The following LRP1B variants were observed in gnomAD, a reference collection of about 807,000 sequenced individuals.
LRP1B encodes low-density lipoprotein receptor-related protein 1B.
Under a neutral mutation model 556.6 loss-of-function variants are expected in LRP1B, and 217 were observed. The observed-to-expected ratio is 0.39, with a 90% confidence interval of 0.35 to 0.44. LRP1B has a LOEUF of 0.44. Ranked by LOEUF, LRP1B falls within the 20% of genes least tolerant of loss-of-function variation. LRP1B has a pLI of 1.00. For synonymous variants in LRP1B, 2,047 were observed against 1,865.8 expected (o/e 1.10, Z -2.50); for missense variants, 5,053 against 5,620.8 (o/e 0.90, Z 3.23).
chr2:140,240,884 T>A (rs1246990398), intron 87 of LRP1B, among the ~76,000 whole-genome samples: 2 of 151,040 alleles, frequency 1.3e-5, no homozygotes, highest in African/African-American at 4.8e-5. Flanking sequence ...AACTGTATTA[T>A]AAATATATAG....
In LRP1B at chr2:141,002,440, G is replaced by A. The variant is rs185891178; in HGVS notation, c.2503+2895C>T. Among the ~76,000 whole-genome samples the A allele has an allele frequency of 1.2e-3, 176 of 152,100 alleles. 2 individuals are homozygous for A. Among genetic ancestry groups the A allele is most frequent in the Middle Eastern group, 6.8e-3 (2 of 294 alleles). On this transcript the variant is annotated intron_variant, in intron 15 of 90. Coordinates refer to ENST00000389484, the MANE Select transcript of LRP1B (RefSeq NM_018557.3). Reference sequence around the variant, plus strand: ...CAGTCATCCCTCGATATCCAGGGGGGATTGATTCCAGGATCCCTTATAAAT... The same window carrying A: ...CAGTCATCCCTCGATATCCAGGGGGAATTGATTCCAGGATCCCTTATAAAT...
intron 2 of LRP1B, among the ~76,000 whole-genome samples, chr2:141,775,669 C>T (rs902672606): frequency 6.6e-6 from 1 of 152,054 alleles, no homozygotes; most frequent in Non-Finnish European, 1.5e-5. Flanking sequence ...TAAAGATAGA[C>T]AGGATGTGTT....
At chr2:141,145,919 TTTC>T (rs1483550423) in intron 7 of LRP1B, among the ~76,000 whole-genome samples, 8,747 of 111,708 alleles carry the variant, frequency 0.078, 397 homozygotes, top group South Asian at 0.12. Context: ...TCTTTCTTTC[TTTC>T]TTTTTTTTTT....
At chr2:141,532,109 A>G (rs1422054548) in intron 2 of LRP1B, among the ~76,000 whole-genome samples, 1 of 152,214 alleles carries the variant, frequency 6.6e-6, no homozygotes, top group Non-Finnish European at 1.5e-5. Flanking sequence ...ACACATAAGT[A>G]TCTGTAGAGA....
At position 142,034,085 on chromosome 2, in the gene LRP1B, T is replaced by C. The variant is rs766286918; in HGVS notation, c.82+96563A>G. 5.7e-4 allele frequency among the ~76,000 whole-genome samples: 87 copies of C among 151,842 alleles called. 1 individual carries two copies. The highest frequency in any genetic ancestry group is 3.1e-3 in the Admixed American group (47 of 15,218). ...TTTCCCACGTGACCACTAAGTCCTGTTGATTCAACATGCAAAACATCACTC... is the reference window on the plus strand; with the variant it reads ...TTTCCCACGTGACCACTAAGTCCTGCTGATTCAACATGCAAAACATCACTC... On this transcript the variant is annotated intron_variant, in intron 1 of 90. Coordinates refer to ENST00000389484, the MANE Select transcript of LRP1B (RefSeq NM_018557.3).
intron 2 of LRP1B, among the ~76,000 whole-genome samples, chr2:141,765,745 G>T (rs1410726519): frequency 2.6e-5 from 4 of 152,168 alleles, no homozygotes; most frequent in Non-Finnish European, 4.4e-5. Flanking sequence ...GTCGCTTATA[G>T]AGCATCTTGT....
At chr2:141,705,107 T>C (rs193285907) in intron 2 of LRP1B, among the ~76,000 whole-genome samples, 6 of 152,096 alleles carry the variant, frequency 3.9e-5, no homozygotes, top group Admixed American at 2.0e-4. Flanking sequence ...AGAAAACACA[T>C]TATTAACCTC....
chr2:142,070,041 C>T (rs1705252750), intron 1 of LRP1B, among the ~76,000 whole-genome samples: 1 of 151,680 alleles, frequency 6.6e-6, no homozygotes, highest in Admixed American at 6.6e-5. Context: ...TCTTCTTAGC[C>T]TTGTACGAGG....
chr2:141,553,845 TTAATATAGTTATATAATATATCTATAA>T (rs1559137551), intron 2 of LRP1B, among the ~76,000 whole-genome samples: 6 of 137,482 alleles, frequency 4.4e-5, no homozygotes, highest in African/African-American at 8.0e-5. Flanking sequence ...TATATCTATA[TTAATATAGTTATATAATATATCTATAA>T]TAATATAGTT....
At chr2:141,267,265 T>C (rs531492725) in intron 3 of LRP1B, among the ~76,000 whole-genome samples, 1 of 152,336 alleles carries the variant, frequency 6.6e-6, no homozygotes, top group Admixed American at 6.5e-5. Flanking sequence ...ATAGTTCTAC[T>C]TGTGCTATCT....
At chr2:140,968,381 T>G (rs2105325390) in intron 18 of LRP1B, among the ~76,000 whole-genome samples, 1 of 152,140 alleles carries the variant, frequency 6.6e-6, no homozygotes, top group East Asian at 1.9e-4. Context: ...GTGATATCCG[T>G]TTTATCATTT....
chr2:142,071,812 G>T (rs975516537), intron 1 of LRP1B, among the ~76,000 whole-genome samples: 5 of 151,898 alleles, frequency 3.3e-5, no homozygotes, highest in African/African-American at 1.2e-4. Flanking sequence ...GTACATAGCT[G>T]CTCCCCTTCT....
chr2:141,265,845 C>A (rs1038004296), intron 3 of LRP1B, among the ~76,000 whole-genome samples: 2 of 152,138 alleles, frequency 1.3e-5, no homozygotes, highest in Non-Finnish European at 2.9e-5. Flanking sequence ...GTAAATACAG[C>A]TATCTGTTAA....
At chr2:141,860,905 G>A (rs142137771) in intron 1 of LRP1B, among the ~76,000 whole-genome samples, 6 of 152,086 alleles carry the variant, frequency 3.9e-5, no homozygotes, top group East Asian at 1.9e-4. Context: ...AGCTAGGATC[G>A]GTCTCTATAG....
chr2:141,918,782 C>G (rs1461702765), intron 1 of LRP1B, among the ~76,000 whole-genome samples: 1 of 152,152 alleles, frequency 6.6e-6, no homozygotes, highest in Non-Finnish European at 1.5e-5. Context: ...CTAACCTCTT[C>G]TCTTCAGATT....
intron 43 of LRP1B, among the ~76,000 whole-genome samples, chr2:140,554,884 G>GTATATA (rs373738233): frequency 1.3e-4 from 19 of 148,542 alleles, no homozygotes; most frequent in East Asian, 6.0e-4. Context: ...GTGTGTGTGT[G>GTATATA]TATATGTATA....
chr2:140,383,022 G>A lies in LRP1B; in HGVS notation c.10531+2871C>T, dbSNP rs148271307. 3.7e-3 allele frequency among the ~76,000 whole-genome samples: 567 copies of A among 152,276 alleles called. 4 individuals carry two copies. The highest frequency in any genetic ancestry group is 0.013 in the African/African-American group (528 of 41,572). On this transcript the variant is annotated intron_variant, in intron 67 of 90. Transcript: ENST00000389484. ...CTGAACCATATAGTTTAGGTGTGTAGTAGTCTGTACCATCTATGTTTGTGT... is the reference window on the plus strand; with the variant it reads ...CTGAACCATATAGTTTAGGTGTGTAATAGTCTGTACCATCTATGTTTGTGT...
intron 77 of LRP1B, among the ~76,000 whole-genome samples, chr2:140,345,146 A>G (rs1401123): frequency 0.31 from 46,213 of 151,348 alleles, 7,969 homozygotes; most frequent in Non-Finnish European, 0.4. Flanking sequence ...TTCTGGCCCT[A>G]CCCACTTGAT....
intron 3 of LRP1B, among the ~76,000 whole-genome samples, chr2:141,453,316 T>G (rs1458306119): frequency 6.6e-6 from 1 of 152,218 alleles, no homozygotes; most frequent in African/African-American, 2.4e-5. Context: ...TCTTTCCTGT[T>G]TCTCTGATTT....
Sources: allele counts gnomAD v4.1 joint callset (sites outside exome capture counted in the v4.1 genomes callset), GRCh38; gene constraint gnomAD v4.1.1; transcripts MANE v1.5; gene names NCBI Gene and HGNC (gene_info 2026-07-23, HGNC 2026-07-21).